CDK5RAP2: variants seen among roughly 807,000 people sequenced by gnomAD.
CDK5RAP2 encodes CDK5 regulatory subunit associated protein 2.
CDK5RAP2 carries 147 observed loss-of-function variants against 232.9 expected under a neutral mutation model. The observed-to-expected ratio is 0.63, with a 90% CI of 0.55 to 0.72. The LOEUF (loss-of-function observed/expected upper bound fraction) is 0.72. CDK5RAP2 is among the 30% of genes least tolerant of loss of function. The pLI is 0.00. For missense variants in CDK5RAP2, 2,195 were observed against 2,231.5 expected (o/e 0.98, Z 0.33); for synonymous variants, 833 against 833.7 (o/e 1.00, Z 0.01).
At chr9:120,394,365 G>C in intron 36 of CDK5RAP2, 147 bp downstream of exon 36, 1 of 1,305,518 alleles carries the variant, frequency 7.7e-7, no homozygotes, top group South Asian at 1.3e-5. Flanking sequence ...ATGTGAGTCA[G>C]AAAGGATGGA....
intron 3 of CDK5RAP2, among the ~76,000 whole-genome samples, chr9:120,551,205 C>G (rs2042029929): frequency 6.6e-6 from 1 of 152,140 alleles, no homozygotes; most frequent in South Asian, 2.1e-4. Flanking sequence ...AGAATTTCTT[C>G]TTTTCAAAAG....
At chr9:120,569,098 T>A (rs1440228527) in intron 2 of CDK5RAP2, among the ~76,000 whole-genome samples, 2 of 152,178 alleles carry the variant, frequency 1.3e-5, no homozygotes, top group Non-Finnish European at 2.9e-5. Context: ...TAATCCTGCA[T>A]CCAAGAGGTT....
At position 120,550,783 on chromosome 9, in the gene CDK5RAP2, G is replaced by GC; in HGVS notation, c.306+8dup. On this transcript the variant is annotated intron_variant, in intron 4 of 37. Transcript: ENST00000349780. ...CACAAGGGACAGTAATGAGAAATGG[G>GC]CCACTCACAGTTTTGTAGATATGTT... The GC allele has an allele frequency of 6.9e-7, 1 of 1,452,800 alleles. No individual in the cohort carries two copies. Among genetic ancestry groups the GC allele is most frequent in the Non-Finnish European group, 9.7e-7 (1 of 1,032,546 alleles). The allele number at this position is 1,452,800 out of a possible 1,614,324, so 90.0% of individuals were successfully genotyped here. A position where few individuals can be genotyped will look rare whatever the true frequency, so the allele number is the denominator to read the frequency against.
intron 34 of CDK5RAP2, among the ~76,000 whole-genome samples, chr9:120,401,938 C>A (rs758366275): frequency 3.3e-5 from 5 of 151,730 alleles, no homozygotes; most frequent in Non-Finnish European, 7.4e-5. Flanking sequence ...GAGCCAAGAT[C>A]GCACCACTGA....
rs936842121 is a variant in CDK5RAP2 at position 120,439,309 on chromosome 9, A to G, written c.3722+90T>C. The G allele has an allele frequency of 1.1e-5, 12 of 1,057,970 alleles. No homozygotes were observed. The African/African-American group carries it at 1.7e-4, about 15-fold the overall frequency. 65.5% of individuals were successfully genotyped at this position (1,057,970 alleles called of 1,614,324 possible). On this transcript the variant is annotated intron_variant, in intron 24 of 37. Transcript: ENST00000349780. Reference sequence around the variant, plus strand: ...GAACACACTCTACCCATCACAGAGTAGTGTTCTCTTTTAGCTCATGGGCTC... The same window carrying G: ...GAACACACTCTACCCATCACAGAGTGGTGTTCTCTTTTAGCTCATGGGCTC...
intron 36 of CDK5RAP2, among the ~76,000 whole-genome samples, chr9:120,392,385 A>G (rs932251043): frequency 6.6e-6 from 1 of 152,172 alleles, no homozygotes; most frequent in Non-Finnish European, 1.5e-5. Flanking sequence ...GTGCTCAATC[A>G]ATAATTCCAT....
At chr9:120,416,524 C>T (rs1308747951) in intron 27 of CDK5RAP2, among the ~76,000 whole-genome samples, 1 of 152,076 alleles carries the variant, frequency 6.6e-6, no homozygotes, top group East Asian at 1.9e-4. Flanking sequence ...ATAGCAGTTG[C>T]CTTTAGGTGG....
chr9:120,569,480 A>T (rs140997428), intron 2 of CDK5RAP2, among the ~76,000 whole-genome samples: 39 of 134,892 alleles, frequency 2.9e-4, no homozygotes, highest in African/African-American at 1.0e-3. Context: ...TGAGAAGGTG[A>T]CATCTGGGCA....
At chr9:120,447,847 C>T (rs74691300) in intron 22 of CDK5RAP2, 48 bp downstream of exon 22, 6 of 1,316,726 alleles carry the variant, frequency 4.6e-6, no homozygotes, top group African/African-American at 2.9e-5. Context: ...GCAGTTCTAT[C>T]GAGCCGTTTG....
rs77536827 is a variant in CDK5RAP2, at chr9:120,525,129, C to G, written c.1000-51G>C. The stretch of plus-strand genomic sequence containing the variant: ...CAAGTATGTAACTGGGCTCTCCTCT[C>G]TGCACAGCCCACATGCTTTTCCTGC... On this transcript the variant is annotated intron_variant, in intron 10 of 37. Coordinates refer to ENST00000349780, the MANE Select transcript of CDK5RAP2 (RefSeq NM_018249.6). 0.073 allele frequency: 96,585 copies of G among 1,315,538 alleles called. 3,904 individuals carry two copies. Among genetic ancestry groups the G allele is most frequent in the Non-Finnish European group, 0.083 (75,879 of 910,976 alleles). 81.5% of individuals were successfully genotyped at this position (1,315,538 alleles called of 1,614,324 possible).
chr9:120,511,335 A>G (rs1564317938), intron 12 of CDK5RAP2, among the ~76,000 whole-genome samples: 1 of 152,202 alleles, frequency 6.6e-6, no homozygotes. Flanking sequence ...GCTCATCTGT[A>G]AAACAGGGCT....
chr9:120,395,055 C>A (rs1461028092), intron 35 of CDK5RAP2, among the ~76,000 whole-genome samples: 2 of 152,170 alleles, frequency 1.3e-5, no homozygotes, highest in African/African-American at 2.4e-5. Context: ...CAGTATAGAT[C>A]TGGATAAATT....
chr9:120,482,774 T>A (rs2038395455), intron 14 of CDK5RAP2, among the ~76,000 whole-genome samples: 1 of 152,158 alleles, frequency 6.6e-6, no homozygotes. Flanking sequence ...CCGATATGAA[T>A]CTTAAGAGAA....
intron 36 of CDK5RAP2, among the ~76,000 whole-genome samples, chr9:120,393,625 C>T (rs959393663): frequency 1.3e-5 from 2 of 152,210 alleles, no homozygotes; most frequent in East Asian, 1.9e-4. Flanking sequence ...CCAACAGGCA[C>T]TAATGGAAAC....
intron 19 of CDK5RAP2, among the ~76,000 whole-genome samples, chr9:120,460,365 C>T (rs1232340171): frequency 1.3e-5 from 2 of 152,186 alleles, no homozygotes; most frequent in East Asian, 1.9e-4. Context: ...AGTTTATGCT[C>T]GTTTTCATGT....
intron 7 of CDK5RAP2, among the ~76,000 whole-genome samples, chr9:120,530,774 G>A (rs964126696): frequency 7.8e-4 from 115 of 148,206 alleles, no homozygotes; most frequent in Middle Eastern, 3.4e-3. Context: ...ACCAAACACT[G>A]CGTGTTCTCA....
chr9:120,396,070 C>G (rs1323637529), intron 35 of CDK5RAP2, among the ~76,000 whole-genome samples: 1 of 152,218 alleles, frequency 6.6e-6, no homozygotes, highest in Non-Finnish European at 1.5e-5. Flanking sequence ...GGCCCTACAT[C>G]AAAAGAATGG....
chr9:120,515,127 T>C (rs1381465042), intron 12 of CDK5RAP2, among the ~76,000 whole-genome samples: 1 of 152,128 alleles, frequency 6.6e-6, no homozygotes, highest in Non-Finnish European at 1.5e-5. Context: ...ATCCAAATTT[T>C]ACCAAACAAA....
At chr9:120,526,540 C>T (rs987354359) in intron 10 of CDK5RAP2, among the ~76,000 whole-genome samples, 3 of 152,066 alleles carry the variant, frequency 2.0e-5, no homozygotes, top group African/African-American at 7.3e-5. Context: ...ACTTGCTGTG[C>T]CCACTGCTCT....
Sources: gnomAD v4.1 joint callset for allele counts (sites outside exome capture counted in the v4.1 genomes callset) on GRCh38, gnomAD v4.1.1 for gene constraint, MANE v1.5 for transcripts, NCBI Gene and HGNC (gene_info 2026-07-23, HGNC 2026-07-21) for gene names.